The following TNKS variants were observed in gnomAD, a reference collection of about 807,000 sequenced individuals.
TNKS encodes the protein poly [ADP-ribose] polymerase tankyrase-1.
In TNKS, 72 loss-of-function variants were observed where a neutral mutation model predicts 135.8. The observed-to-expected ratio is 0.53, with a 90% CI of 0.44 to 0.64. The LOEUF (loss-of-function observed/expected upper bound fraction) is 0.64, where lower values mean the gene tolerates loss of function less well. TNKS is among the 30% of genes least tolerant of loss of function. The pLI, the probability that TNKS is intolerant of heterozygous loss-of-function variation, is 0.00. For synonymous variants in TNKS, 849 were observed against 649.3 expected (o/e 1.31, Z -4.68); for missense variants, 1,769 against 1,674.0 (o/e 1.06, Z -0.99).
intron 5 of TNKS, among the ~76,000 whole-genome samples, chr8:9,697,120 G>A (rs1294185237): frequency 6.6e-6 from 1 of 152,042 alleles, no homozygotes; most frequent in Non-Finnish European, 1.5e-5. Context: ...CTGATGGAAT[G>A]GAATAGGAAG....
intron 20 of TNKS, among the ~76,000 whole-genome samples, chr8:9,752,905 C>T (rs1806622774): frequency 6.7e-6 from 1 of 150,048 alleles, no homozygotes; most frequent in Non-Finnish European, 1.5e-5. Context: ...TTTGAAACTG[C>T]AGTGAGCTGT....
intron 11 of TNKS, 158 bp downstream of exon 11, chr8:9,710,378 G>T: frequency 1.5e-6 from 1 of 675,300 alleles, no homozygotes; most frequent in South Asian, 1.9e-5. Flanking sequence ...AGCTGATTTA[G>T]ATCTTGTTTC....
intron 14 of TNKS, among the ~76,000 whole-genome samples, chr8:9,732,392 A>AT (rs1244461112): frequency 6.6e-6 from 1 of 152,120 alleles, no homozygotes; most frequent in Admixed American, 6.6e-5. Flanking sequence ...TTTCTGTGTA[A>AT]TTACATACAA....
chr8:9,766,293 A>T lies in TNKS; in HGVS notation c.3608A>T (p.Tyr1203Phe). ...IHKGFDERHA[Y>F]IGGMFGAGIY... ...AAAGGGTTTGATGAGCGACATGCAT[A>T]CATAGGAGGAATGTTTGGGGCCGGG... The change falls in exon 25 of 27, where the codon TAC (tyrosine) becomes TTC (phenylalanine). Residue 1203 changes from tyrosine (Y) to phenylalanine (F), a missense_variant. Transcript: ENST00000310430. 5 of 1,613,894 alleles carry T rather than the reference A, an allele frequency of 3.1e-6. No homozygotes were observed. Among genetic ancestry groups the T allele is most frequent in the Non-Finnish European group, 4.2e-6 (5 of 1,179,936 alleles).
chr8:9,752,705 C>G, intron 20 of TNKS, 79 bp downstream of exon 20: 1 of 975,090 alleles, frequency 1.0e-6, no homozygotes. Flanking sequence ...ACACCTTACT[C>G]CCAACACTTT....
intron 3 of TNKS, among the ~76,000 whole-genome samples, chr8:9,625,699 T>C (rs938863035): frequency 3.3e-5 from 5 of 152,186 alleles, no homozygotes; most frequent in African/African-American, 1.2e-4. Flanking sequence ...ATTTTTCTGC[T>C]ACCTTTCTCA....
chr8:9,735,646 A>G (rs1013708051), intron 17 of TNKS, among the ~76,000 whole-genome samples, 160 bp downstream of exon 17: 1 of 152,036 alleles, frequency 6.6e-6, no homozygotes, highest in Non-Finnish European at 1.5e-5. Context: ...TAAAAATACA[A>G]AAAATTAGAC....
At chr8:9,754,705 A>T (rs1806744987) in intron 20 of TNKS, among the ~76,000 whole-genome samples, 1 of 152,214 alleles carries the variant, frequency 6.6e-6, no homozygotes. Context: ...CCTAATGCTT[A>T]TAAATGTTCA....
At chr8:9,766,481 G>GTTTT in intron 25 of TNKS, 56 bp downstream of exon 25, 1 of 796,338 alleles carries the variant, frequency 1.3e-6, no homozygotes, top group Admixed American at 3.8e-5. Flanking sequence ...GAACCAAATT[G>GTTTT]TCTTTTTTTT....
intron 3 of TNKS, among the ~76,000 whole-genome samples, chr8:9,616,884 A>T (rs7826361): frequency 0.022 from 3,341 of 152,296 alleles, 59 homozygotes; most frequent in South Asian, 0.071. Context: ...GCCTGCTCAG[A>T]TTCTACAGCC....
At chr8:9,746,345 G>T (rs779126912) in intron 17 of TNKS, among the ~76,000 whole-genome samples, 1 of 152,140 alleles carries the variant, frequency 6.6e-6, no homozygotes, top group Admixed American at 6.6e-5. Context: ...GTGATCGATT[G>T]TCTTAGCTTA....
intron 14 of TNKS, 31 bp downstream of exon 14, chr8:9,731,066 C>A (rs202075528): frequency 2.6e-6 from 4 of 1,530,174 alleles, no homozygotes; most frequent in Non-Finnish European, 3.5e-6. Flanking sequence ...GTTTGGGAGT[C>A]ATTCTCTTCA....
intron 2 of TNKS, among the ~76,000 whole-genome samples, chr8:9,614,783 G>A (rs769786646): frequency 1.1e-4 from 17 of 152,128 alleles, no homozygotes; most frequent in South Asian, 2.1e-4. Context: ...CCCTCCCTAC[G>A]TATACACACC....
intron 5 of TNKS, among the ~76,000 whole-genome samples, chr8:9,700,409 G>T (rs748846823): frequency 6.6e-6 from 1 of 152,114 alleles, no homozygotes; most frequent in African/African-American, 2.4e-5. Context: ...TCAGATACGT[G>T]GTAGAAATTC....
At chr8:9,628,980 T>C (rs1030683020) in intron 3 of TNKS, among the ~76,000 whole-genome samples, 4 of 152,196 alleles carry the variant, frequency 2.6e-5, no homozygotes, top group Non-Finnish European at 5.9e-5. Context: ...TTGTCTTACC[T>C]TGTGTTCAGT....
At chr8:9,658,517 T>A in intron 3 of TNKS, 1 of 476,282 alleles carries the variant, frequency 2.1e-6, no homozygotes, top group Non-Finnish European at 3.5e-6. Flanking sequence ...TAAAATCCTT[T>A]ACAGACAAGC....
chr8:9,714,943 A>C (rs1040245620), intron 11 of TNKS, among the ~76,000 whole-genome samples: 5 of 152,230 alleles, frequency 3.3e-5, no homozygotes, highest in African/African-American at 9.6e-5. Context: ...TAGTGATTCT[A>C]CATTTTAGGA....
intron 3 of TNKS, among the ~76,000 whole-genome samples, chr8:9,660,172 G>A (rs1194437730): frequency 1.3e-5 from 2 of 152,160 alleles, no homozygotes; most frequent in African/African-American, 2.4e-5. Context: ...GGAGGAGCTG[G>A]TACCATTCCT....
At chr8:9,603,424 C>T (rs974182446) in intron 2 of TNKS, among the ~76,000 whole-genome samples, 1 of 152,086 alleles carries the variant, frequency 6.6e-6, no homozygotes. Flanking sequence ...TTCAAGAATG[C>T]GATACTCACA....
Sources: allele counts gnomAD v4.1 joint callset (sites outside exome capture counted in the v4.1 genomes callset), GRCh38; gene constraint gnomAD v4.1.1; transcripts MANE v1.5; gene names NCBI Gene and HGNC (gene_info 2026-07-23, HGNC 2026-07-21).